Variants in WDR25 observed in about 807,000 individuals in gnomAD.
The protein encoded by WDR25 is WD repeat-containing protein 25.
A neutral mutation model predicts 47.7 loss-of-function variants in WDR25; 35 were observed. The ratio of observed to expected loss-of-function variants is 0.73; its 90% CI spans 0.56 to 0.97. WDR25 has a LOEUF of 0.97. Among genes scored for constraint, WDR25 ranks in the 50% least tolerant of loss-of-function variants. WDR25 has a pLI of 0.00. For synonymous variants in WDR25, 248 were observed against 278.9 expected (o/e 0.89, Z 1.10); for missense variants, 634 against 704.7 (o/e 0.90, Z 1.14).
At position 100,484,068 on chromosome 14, in the gene WDR25, T is replaced by G; in HGVS notation, c.1045T>G (p.Phe349Val). The change falls in exon 4 of 7, where the codon TTT becomes GTT. Residue 349 changes from phenylalanine to valine, a missense_variant. Physicochemically the swap from Phe to Val is conservative, Grantham distance 50. Transcript: ENST00000402312. ...LKFHPKDHNIFLCGGFSSEMK... is the reference protein window; with the variant it reads ...LKFHPKDHNIVLCGGFSSEMK... ...ATTCCATCCAAAAGACCACAACATC[T>G]TTTTATGTGGAGGCTTCAGCTCTGA... The G allele has an allele frequency of 1.2e-6, 2 of 1,614,016 alleles. No individual in the cohort carries two copies. Among genetic ancestry groups the G allele is most frequent in the East Asian group, 4.5e-5 (2 of 44,884 alleles).
At chr14:100,463,534 T>C (rs968815805) in intron 2 of WDR25, among the ~76,000 whole-genome samples, 2 of 152,190 alleles carry the variant, frequency 1.3e-5, no homozygotes, top group Non-Finnish European at 2.9e-5. Context: ...GGGGCTGAGA[T>C]GTGGGACTCC....
At chr14:100,491,492 G>C (rs1024922537) in intron 4 of WDR25, among the ~76,000 whole-genome samples, 8 of 152,218 alleles carry the variant, frequency 5.3e-5, no homozygotes, top group Admixed American at 1.3e-4. Flanking sequence ...ATCACCTGCA[G>C]TGTTCAGTAC....
intron 2 of WDR25, 77 bp downstream of exon 2, chr14:100,381,823 G>A: frequency 7.9e-7 from 1 of 1,258,432 alleles, no homozygotes. Flanking sequence ...AGTGGAGGGA[G>A]GTTACAGGCT....
At position 100,468,343 on chromosome 14, in the gene WDR25, C is replaced by T. The variant is rs967399418; in HGVS notation, c.970+175C>T. Among the ~76,000 whole-genome samples, 12 of 152,114 alleles carry T rather than the reference C, an allele frequency of 7.9e-5. No individual in the cohort carries two copies. Among genetic ancestry groups the T allele is most frequent in the Non-Finnish European group, 1.3e-4 (9 of 68,026 alleles). ...CCAGACTGCTTGCCCATTGGAACTG[C>T]GACTCCCCACAGAGGATGGGCCTCT... On this transcript the variant is annotated intron_variant, in intron 3 of 6. Coordinates refer to ENST00000402312, the MANE Select transcript of WDR25 (RefSeq NM_001161476.3). This position sits in a 1 kb window ranked among gnomAD's most constrained non-coding sequence, Gnocchi z 4.5.
intron 2 of WDR25, among the ~76,000 whole-genome samples, chr14:100,467,186 C>T (rs138424204): frequency 7.9e-5 from 12 of 152,328 alleles, no homozygotes; most frequent in South Asian, 2.1e-4. Context: ...GTTGTAAATA[C>T]GAGTGTAGCA....
rs371566292 is a variant in WDR25 at position 100,482,161 on chromosome 14, G to A, written c.971-1833G>A. ...TCCATCTAGGTCCGGGCATCTCTGC[G>A]TGCAAGAAACTTTGTCGGCTTTGAT... On this transcript the variant is annotated intron_variant, in intron 3 of 6. Transcript: ENST00000402312. Among the ~76,000 whole-genome samples the A allele has an allele frequency of 1.3e-4, 20 of 151,940 alleles. 1 individual carries two copies. The highest frequency in any genetic ancestry group is 4.8e-4 in the African/African-American group (20 of 41,414).
intron 2 of WDR25, among the ~76,000 whole-genome samples, chr14:100,451,823 G>A (rs1899044259): frequency 6.6e-6 from 1 of 152,198 alleles, no homozygotes; most frequent in Admixed American, 6.5e-5. Context: ...TTTACTCTCA[G>A]AATAGAGGAG....
intron 2 of WDR25, among the ~76,000 whole-genome samples, chr14:100,427,138 C>T (rs536051798): frequency 2.6e-4 from 40 of 152,234 alleles, no homozygotes; most frequent in African/African-American, 8.9e-4. Flanking sequence ...TATGTGGAGC[C>T]GTGCTGTCCT....
At chr14:100,509,206 C>T (rs1595158631) in intron 4 of WDR25, among the ~76,000 whole-genome samples, 1 of 152,118 alleles carries the variant, frequency 6.6e-6, no homozygotes, top group African/African-American at 2.4e-5. Context: ...GGACACAAGA[C>T]TTTCTTTGTA....
At chr14:100,416,750 A>T (rs1444833850) in intron 2 of WDR25, among the ~76,000 whole-genome samples, 4 of 152,120 alleles carry the variant, frequency 2.6e-5, no homozygotes, top group Non-Finnish European at 5.9e-5. Flanking sequence ...CTTTGGGCTC[A>T]CTGGGGAGGG....
chr14:100,525,147 G>A lies in WDR25; in HGVS notation c.1102-723G>A, dbSNP rs953929981. On this transcript the variant is annotated intron_variant, in intron 4 of 6. Transcript: ENST00000402312. The surrounding 1 kb of genome is among the most constrained non-coding windows in gnomAD (Gnocchi z 4.6). ...ATTTCCATATTGTCATTAAAGTCCTGTCCTCTGTGAGTTTGTTAAGTGGAG... is the reference window on the plus strand; with the variant it reads ...ATTTCCATATTGTCATTAAAGTCCTATCCTCTGTGAGTTTGTTAAGTGGAG... Among the ~76,000 whole-genome samples the A allele has an allele frequency of 2.0e-5, 3 of 152,282 alleles. No homozygotes were observed. In the South Asian group the frequency reaches 6.2e-4, roughly 32 times the overall value.
chr14:100,467,338 T>A (rs1453263389), intron 2 of WDR25, among the ~76,000 whole-genome samples: 1 of 152,196 alleles, frequency 6.6e-6, no homozygotes, highest in African/African-American at 2.4e-5. Context: ...TGGGATAAGA[T>A]GCCAGGGATG....
intron 2 of WDR25, among the ~76,000 whole-genome samples, chr14:100,422,953 G>A (rs1898069204): frequency 1.3e-5 from 2 of 152,124 alleles, no homozygotes; most frequent in East Asian, 3.9e-4. Context: ...GTCCCACAGA[G>A]TTTATTGCAA....
At chr14:100,484,967 C>G (rs116385166) in intron 4 of WDR25, among the ~76,000 whole-genome samples, 2,405 of 152,306 alleles carry the variant, frequency 0.016, 57 homozygotes, top group African/African-American at 0.055. Flanking sequence ...CCTCCAGGCT[C>G]TGATCTTACA....
intron 3 of WDR25, 59 bp from the exon 4 acceptor site, chr14:100,483,933 TAA>T: frequency 2.6e-6 from 4 of 1,547,588 alleles, no homozygotes; most frequent in Non-Finnish European, 3.5e-6. Context: ...ATCTTAGTTT[TAA>T]GATATTTGTT....
intron 2 of WDR25, among the ~76,000 whole-genome samples, chr14:100,464,261 C>T (rs150696921): frequency 6.6e-6 from 1 of 152,324 alleles, no homozygotes; most frequent in African/African-American, 2.4e-5. Flanking sequence ...GCTTTCTCAC[C>T]CCTTCAGGAC....
At chr14:100,376,755 G>C in intron 1 of WDR25, 1 of 1,229,430 alleles carries the variant, frequency 8.1e-7, no homozygotes, top group South Asian at 4.3e-5. Flanking sequence ...GGGGGGATCT[G>C]TGTTTTGTGT....
intron 2 of WDR25, among the ~76,000 whole-genome samples, chr14:100,414,828 C>T (rs1015827178): frequency 4.0e-5 from 6 of 150,866 alleles, no homozygotes; most frequent in African/African-American, 7.3e-5. Flanking sequence ...CGCGTGAACC[C>T]GGGAGGCGGA....
intron 2 of WDR25, among the ~76,000 whole-genome samples, chr14:100,396,891 A>T (rs1897272136): frequency 6.6e-6 from 1 of 152,222 alleles, no homozygotes; most frequent in East Asian, 1.9e-4. Context: ...GTGAGGATAA[A>T]TGTTGTGGTT....
Sources: allele counts gnomAD v4.1 joint callset (sites outside exome capture counted in the v4.1 genomes callset), GRCh38; gene constraint gnomAD v4.1.1; non-coding constraint Gnocchi (gnomAD v3.1); transcripts MANE v1.5; gene names NCBI Gene and HGNC (gene_info 2026-07-23, HGNC 2026-07-21).